The following CRB1 variants were observed in gnomAD, a reference collection of about 807,000 sequenced individuals.
CRB1 encodes crumbs cell polarity complex component 1.
A neutral mutation model predicts 120.0 loss-of-function variants in CRB1; 83 were observed. That is an observed-to-expected ratio of 0.69 (90% CI 0.58 to 0.83). The LOEUF (loss-of-function observed/expected upper bound fraction) is 0.83. Among genes scored for constraint, CRB1 ranks in the 40% least tolerant of loss-of-function variants. The probability of loss-of-function intolerance (pLI) is 0.00; values close to 1 mark genes in which losing one functional copy is unlikely to be tolerated. For synonymous variants in CRB1, 625 were observed against 612.5 expected (o/e 1.02, Z -0.30); for missense variants, 1,699 against 1,687.6 (o/e 1.01, Z -0.12).
intron 2 of CRB1, among the ~76,000 whole-genome samples, chr1:197,330,016 G>C (rs1438555810): frequency 1.3e-5 from 2 of 152,082 alleles, no homozygotes; most frequent in South Asian, 2.1e-4. Context: ...TTTTCCAAGT[G>C]TTAAGCAATA....
At chr1:197,269,885 G>T (rs147094993) in intron 1 of CRB1, among the ~76,000 whole-genome samples, 2 of 152,168 alleles carry the variant, frequency 1.3e-5, no homozygotes, top group Non-Finnish European at 2.9e-5. Flanking sequence ...TTTATTGATA[G>T]ATTCTAAATA....
chr1:197,305,576 G>T (rs1405140411), intron 1 of CRB1, among the ~76,000 whole-genome samples: 1 of 151,758 alleles, frequency 6.6e-6, no homozygotes, highest in Non-Finnish European at 1.5e-5. Flanking sequence ...TTATGCGGAT[G>T]ACTGCTAATA....
intron 2 of CRB1, among the ~76,000 whole-genome samples, chr1:197,342,763 A>T (rs1659543007): frequency 6.6e-6 from 1 of 152,236 alleles, no homozygotes; most frequent in Admixed American, 6.5e-5. Flanking sequence ...GGTGGAATGC[A>T]GGAAATGACA....
At chr1:197,310,077 T>C (rs1472922298) in intron 1 of CRB1, among the ~76,000 whole-genome samples, 3 of 152,172 alleles carry the variant, frequency 2.0e-5, no homozygotes, top group East Asian at 3.9e-4. Flanking sequence ...ATGTGTGCAA[T>C]GGTATGATGT....
intron 5 of CRB1, among the ~76,000 whole-genome samples, chr1:197,382,208 T>C (rs1049140767): frequency 7.2e-5 from 11 of 152,194 alleles, no homozygotes; most frequent in African/African-American, 2.7e-4. Context: ...TGGCTGGTAA[T>C]GGGATAAATG....
rs111363908 is a variant in CRB1, at chr1:197,448,311, AG to A, written c.4005+6020del. On this transcript the variant is annotated intron_variant, in intron 11 of 11. Coordinates refer to ENST00000367400, the MANE Select transcript of CRB1 (RefSeq NM_201253.3). Reference sequence around the variant, plus strand: ...TTTCCTGGGGGGTCTTTGTGTGCTGAGTTGCGTAAATGCCCCTGACTACAGT... The same window carrying A: ...TTTCCTGGGGGGTCTTTGTGTGCTGATTGCGTAAATGCCCCTGACTACAGT... 2.5e-3 allele frequency among the ~76,000 whole-genome samples: 380 copies of A among 152,182 alleles called. 3 individuals carry two copies. Among genetic ancestry groups the A allele is most frequent in the African/African-American group, 8.9e-3 (370 of 41,500 alleles).
chr1:197,375,960 C>T (rs1382503576), intron 5 of CRB1, among the ~76,000 whole-genome samples: 3 of 152,072 alleles, frequency 2.0e-5, no homozygotes, highest in African/African-American at 7.2e-5. Flanking sequence ...TGAAAACTTC[C>T]CTGTCAACAA....
At position 197,478,281 on chromosome 1, in the gene CRB1, C is replaced by T. The variant is rs1667288559; in HGVS notation, c.*402C>T. The T allele has an allele frequency of 3.8e-6, 1 of 264,030 alleles. No homozygotes were observed. The allele number at this position is 264,030 out of a possible 1,614,324, so 16.4% of individuals were successfully genotyped here. On this transcript the variant is annotated 3_prime_UTR_variant, in exon 12 of 12. Coordinates refer to ENST00000367400, the MANE Select transcript of CRB1 (RefSeq NM_201253.3). ...CTGCCATATGTTTACATGGAAACTA[C>T]AGGAAAAAATTGGCTACATTTCTCA...
chr1:197,396,604 T>C (rs1662784442), intron 5 of CRB1, among the ~76,000 whole-genome samples: 1 of 152,056 alleles, frequency 6.6e-6, no homozygotes, highest in African/African-American at 2.4e-5. Flanking sequence ...ATCAAGATAA[T>C]GTAGAGTTGG....
intron 1 of CRB1, among the ~76,000 whole-genome samples, chr1:197,324,241 C>T (rs552406084): frequency 9.2e-4 from 140 of 152,238 alleles, no homozygotes; most frequent in Admixed American, 1.9e-3. Context: ...TGGTGCTAAG[C>T]TTGCATTTCT....
chr1:197,277,887 C>T (rs1229223226), intron 1 of CRB1, among the ~76,000 whole-genome samples: 4 of 151,786 alleles, frequency 2.6e-5, no homozygotes, highest in Admixed American at 6.6e-5. Flanking sequence ...TCTAGGTAAT[C>T]GAATCATAGA....
chr1:197,345,598 T>C, intron 3 of CRB1, among the ~76,000 whole-genome samples: 1 of 144,976 alleles, frequency 6.9e-6, no homozygotes. Context: ...AACCTCCGCC[T>C]TCCGGTTCAA....
chr1:197,263,920 T>C (rs1402226511), upstream of CRB1, among the ~76,000 whole-genome samples: 1 of 152,178 alleles, frequency 6.6e-6, no homozygotes, highest in Non-Finnish European at 1.5e-5. Context: ...ATAGGCCTAA[T>C]CATTTTTATC....
intron 5 of CRB1, chr1:197,363,945 G>T: frequency 7.5e-7 from 1 of 1,329,006 alleles, no homozygotes. Context: ...AGCTTCGGCG[G>T]TATTATGAGA....
intron 8 of CRB1, among the ~76,000 whole-genome samples, chr1:197,430,081 A>G (rs1363889224): frequency 6.6e-6 from 1 of 152,200 alleles, no homozygotes; most frequent in East Asian, 1.9e-4. Flanking sequence ...ATCTGTAAAT[A>G]ATCAAACATG....
intron 5 of CRB1, among the ~76,000 whole-genome samples, chr1:197,375,637 T>G (rs575276165): frequency 3.5e-4 from 53 of 152,256 alleles, no homozygotes; most frequent in African/African-American, 1.3e-3. Context: ...CTGCCTATGT[T>G]TGGACTACTT....
At chr1:197,367,667 C>A (rs1661147019) in intron 5 of CRB1, among the ~76,000 whole-genome samples, 1 of 152,236 alleles carries the variant, frequency 6.6e-6, no homozygotes, top group Non-Finnish European at 1.5e-5. Context: ...ACCATCTCAT[C>A]CAAGTCCAAT....
intron 5 of CRB1, among the ~76,000 whole-genome samples, chr1:197,400,597 T>A (rs1663017580): frequency 6.6e-6 from 1 of 152,128 alleles, no homozygotes; most frequent in Non-Finnish European, 1.5e-5. Flanking sequence ...CTATCCTGCT[T>A]CTTCCTTCCA....
chr1:197,281,985 TA>T (rs1265449953), intron 1 of CRB1, among the ~76,000 whole-genome samples: 2 of 151,336 alleles, frequency 1.3e-5, no homozygotes, highest in Non-Finnish European at 3.0e-5. Flanking sequence ...ATAGACTATA[TA>T]AAACTTGCGA....
Sources: gnomAD v4.1 joint callset for allele counts (sites outside exome capture counted in the v4.1 genomes callset) on GRCh38, gnomAD v4.1.1 for gene constraint, MANE v1.5 for transcripts, NCBI Gene and HGNC (gene_info 2026-07-23, HGNC 2026-07-21) for gene names.